The following DIP2B variants were observed in gnomAD, a reference collection of about 807,000 sequenced individuals.
The protein encoded by DIP2B is DIP2 acetate--CoA ligase B (putative).
DIP2B carries 76 observed loss-of-function variants against 198.0 expected under a neutral mutation model. The observed-to-expected ratio is 0.38, with a 90% CI of 0.32 to 0.46. DIP2B has a LOEUF of 0.46. Among genes scored for constraint, DIP2B ranks in the 20% least tolerant of loss-of-function variants. The probability of loss-of-function intolerance (pLI) is 0.99; values close to 1 mark genes in which losing one functional copy is unlikely to be tolerated. For synonymous variants in DIP2B, 701 were observed against 739.1 expected (o/e 0.95, Z 0.84); for missense variants, 1,559 against 1,978.4 (o/e 0.79, Z 4.02).
chr12:50,668,316 T>C (rs1938791751), intron 4 of DIP2B, among the ~76,000 whole-genome samples: 1 of 152,322 alleles, frequency 6.6e-6, no homozygotes, highest in Middle Eastern at 3.4e-3. Flanking sequence ...GTTTGTCAAA[T>C]GGACGAATAA....
chr12:50,601,353 G>T (rs995670379), intron 1 of DIP2B, among the ~76,000 whole-genome samples: 1 of 146,462 alleles, frequency 6.8e-6, no homozygotes, highest in Non-Finnish European at 1.5e-5. Flanking sequence ...TTGTTTGTTT[G>T]TTTTTTTTTT....
intron 1 of DIP2B, among the ~76,000 whole-genome samples, chr12:50,622,856 C>T (rs568003627): frequency 6.6e-5 from 10 of 152,044 alleles, no homozygotes; most frequent in Middle Eastern, 6.8e-3. Flanking sequence ...AGGTGATCTG[C>T]GTGCCTCGGC....
Position 50,735,150 on chromosome 12 carries a change from A to G in DIP2B, c.4101+20A>G, listed in dbSNP as rs1481034202. 1.2e-6 allele frequency: 2 copies of G among 1,614,034 alleles called. No individual in the cohort carries two copies. Among genetic ancestry groups the G allele is most frequent in the Non-Finnish European group, 1.7e-6 (2 of 1,179,934 alleles). ...GGAAAGGTAATTTGTTCTGTTGACCATGGGGAAGGTGGGCTGTGTGGAGAA... is the reference window on the plus strand; with the variant it reads ...GGAAAGGTAATTTGTTCTGTTGACCGTGGGGAAGGTGGGCTGTGTGGAGAA... On this transcript the variant is annotated intron_variant, in intron 34 of 37. Transcript: ENST00000301180.
In DIP2B at chr12:50,557,615, G is replaced by A. The variant is rs575588582; in HGVS notation, c.100+52375G>A. ...TGTGGCTAATGGGCTGCTGGGTGGG[G>A]GGATATTGCCTGAGGGATCTGCTGG... is the stretch of plus-strand genomic sequence containing the variant. On this transcript the variant is annotated intron_variant, in intron 1 of 37. Coordinates refer to ENST00000301180, the MANE Select transcript of DIP2B (RefSeq NM_173602.3). 2.0e-5 allele frequency among the ~76,000 whole-genome samples: 3 copies of A among 152,336 alleles called. No homozygotes were observed. The South Asian group carries it at 6.2e-4, about 32-fold the overall frequency.
intron 1 of DIP2B, among the ~76,000 whole-genome samples, chr12:50,608,088 G>A (rs912846306): frequency 1.3e-5 from 2 of 151,960 alleles, no homozygotes; most frequent in Non-Finnish European, 2.9e-5. Context: ...CCACTGCACC[G>A]GGCCACAATT....
chr12:50,703,093 C>T (rs961225827), intron 19 of DIP2B, among the ~76,000 whole-genome samples: 2 of 151,842 alleles, frequency 1.3e-5, no homozygotes, highest in African/African-American at 4.8e-5. Flanking sequence ...CGTGGTAACC[C>T]GCACCTGTAC....
At chr12:50,664,834 TTG>T (rs1307285013) in intron 4 of DIP2B, among the ~76,000 whole-genome samples, 112 of 1,310 alleles carry the variant, frequency 0.085, 23 homozygotes, top group African/African-American at 0.11. Flanking sequence ...TTTTTGGTTT[TTG>T]TTTTTTTTTT....
At chr12:50,673,434 G>A (rs573926344) in intron 5 of DIP2B, among the ~76,000 whole-genome samples, 27 of 152,222 alleles carry the variant, frequency 1.8e-4, no homozygotes, top group Middle Eastern at 3.4e-3. Context: ...TGTTGTTGTC[G>A]TTACGTGTCC....
Position 50,664,830 on chromosome 12 carries a change from G to GTTTTTTT in DIP2B, c.427+4516_427+4517insTTTTTTT, listed in dbSNP as rs1205734576. On this transcript the variant is annotated intron_variant, in intron 4 of 37. Coordinates refer to ENST00000301180, the MANE Select transcript of DIP2B (RefSeq NM_173602.3). ...CAAGGAGAATTTCCCTCCTTTTTTGGTTTTTGTTTTTTTTTTTTTTTTTTT... is the reference window on the plus strand; with the variant it reads ...CAAGGAGAATTTCCCTCCTTTTTTGGTTTTTTTTTTTTGTTTTTTTTTTTTTTTTTTT... Among the ~76,000 whole-genome samples, 21 of 99,644 alleles carry GTTTTTTT rather than the reference G, an allele frequency of 2.1e-4. 8 individuals carry two copies. The highest frequency in any genetic ancestry group is 7.1e-4 in the African/African-American group (17 of 23,974). 65.4% of individuals were successfully genotyped at this position (99,644 alleles called of 152,430 possible).
At chr12:50,515,164 A>G (rs1384249212) in intron 1 of DIP2B, among the ~76,000 whole-genome samples, 2 of 151,350 alleles carry the variant, frequency 1.3e-5, no homozygotes, top group Admixed American at 6.6e-5. Context: ...CAAGGCTACC[A>G]CTGACTCCTA....
chr12:50,525,515 T>C lies in DIP2B; in HGVS notation c.100+20275T>C, dbSNP rs553491972. Among the ~76,000 whole-genome samples, 103 of 145,764 alleles carry C rather than the reference T, an allele frequency of 7.1e-4. 3 individuals carry two copies. Among genetic ancestry groups the C allele is most frequent in the African/African-American group, 1.0e-3 (40 of 39,978 alleles). Reference sequence around the variant, plus strand: ...GCATGTTGCTGCCTCTAGGTCCCCTTTTTTTTTTTTTTTTTGAGACAGAGT... The same window carrying C: ...GCATGTTGCTGCCTCTAGGTCCCCTCTTTTTTTTTTTTTTTGAGACAGAGT... On this transcript the variant is annotated intron_variant, in intron 1 of 37. Transcript: ENST00000301180.
chr12:50,539,335 G>T (rs1049411197), intron 1 of DIP2B, among the ~76,000 whole-genome samples: 1 of 151,164 alleles, frequency 6.6e-6, no homozygotes, highest in Non-Finnish European at 1.5e-5. Flanking sequence ...TATATATAAA[G>T]TGTATGCACA....
intron 17 of DIP2B, among the ~76,000 whole-genome samples, 197 bp downstream of exon 17, chr12:50,697,372 C>G (rs1030906821): frequency 9.9e-5 from 15 of 151,972 alleles, no homozygotes; most frequent in Non-Finnish European, 1.2e-4. Context: ...TGTGAATTAG[C>G]TCTTTTTCTG....
rs56369651 is a variant in DIP2B, at chr12:50,699,864, A to AAC, written c.2325+686_2325+687dup. Among the ~76,000 whole-genome samples, 947 of 146,066 alleles carry AAC rather than the reference A, an allele frequency of 6.5e-3. 13 individuals are homozygous for AAC. The highest frequency in any genetic ancestry group is 0.022 in the African/African-American group (874 of 39,460). ...GGGGACAGAGCAAGACCCTGTCTCA[A>AAC]ACACACACACACACACACACACACA... is the stretch of plus-strand genomic sequence containing the variant. On this transcript the variant is annotated intron_variant, in intron 19 of 37. Coordinates refer to ENST00000301180, the MANE Select transcript of DIP2B (RefSeq NM_173602.3).
rs1206171053 is a variant in DIP2B, at chr12:50,540,064, T to G, written c.100+34824T>G. 5.4e-3 allele frequency among the ~76,000 whole-genome samples: 414 copies of G among 76,078 alleles called. 3 individuals carry two copies. The highest frequency in any genetic ancestry group is 0.016 in the African/African-American group (393 of 25,136). The allele number at this position is 76,078 out of a possible 152,430, so 49.9% of individuals were successfully genotyped here. On this transcript the variant is annotated intron_variant, in intron 1 of 37. Transcript: ENST00000301180. ...TTAGTTGTTTCTGTGTTTTTTTTTTTTTTTTTTTTTTTTTTTTTGCTATTG... is the reference window on the plus strand; with the variant it reads ...TTAGTTGTTTCTGTGTTTTTTTTTTGTTTTTTTTTTTTTTTTTTGCTATTG...
At chr12:50,735,247 G>A in intron 34 of DIP2B, 117 bp downstream of exon 34, 2 of 1,169,576 alleles carry the variant, frequency 1.7e-6, no homozygotes, top group Admixed American at 3.9e-5. Context: ...TTGAAATCTG[G>A]AGATAATTTC....
chr12:50,732,678 ATTTC>A, intron 32 of DIP2B, 142 bp downstream of exon 32: 2 of 1,039,932 alleles, frequency 1.9e-6, no homozygotes, highest in Middle Eastern at 4.3e-4. Flanking sequence ...TTAAATCTCG[ATTTC>A]TTTGTGTCTC....
intron 1 of DIP2B, among the ~76,000 whole-genome samples, chr12:50,608,419 C>T (rs190196370): frequency 1.2e-3 from 176 of 152,012 alleles, no homozygotes; most frequent in African/African-American, 4.1e-3. Context: ...GCCAGGAGTT[C>T]GAGAGCAGCC....
chr12:50,731,630 G>A, intron 31 of DIP2B, 93 bp downstream of exon 31: 4 of 1,416,958 alleles, frequency 2.8e-6, no homozygotes, highest in South Asian at 1.6e-5. Flanking sequence ...TAACAGACAT[G>A]TTTGCTTGCC....
Sources: gnomAD v4.1 joint callset for allele counts (sites outside exome capture counted in the v4.1 genomes callset) on GRCh38, gnomAD v4.1.1 for gene constraint, MANE v1.5 for transcripts, NCBI Gene and HGNC (gene_info 2026-07-23, HGNC 2026-07-21) for gene names.